Variants in TTC3 observed in about 807,000 individuals in gnomAD.
TTC3 encodes tetratricopeptide repeat domain 3.
A neutral mutation model predicts 249.6 loss-of-function variants in TTC3; 180 were observed. The observed-to-expected ratio is 0.72, with a 90% CI of 0.64 to 0.82. TTC3 has a LOEUF of 0.82. Among genes scored for constraint, TTC3 ranks in the 40% least tolerant of loss-of-function variants. TTC3 has a pLI of 0.00. For missense variants in TTC3, 2,061 were observed against 2,398.4 expected, an observed-to-expected ratio of 0.86 and a Z score of 2.94; for synonymous variants, 717 against 805.0, an observed-to-expected ratio of 0.89 and a Z score of 1.85.
intron 24 of TTC3, 28 bp from the exon 25 acceptor site, chr21:37,150,792 A>G (rs1420843195): frequency 6.4e-7 from 1 of 1,565,840 alleles, no homozygotes; most frequent in Non-Finnish European, 8.8e-7. Context: ...TATGAGACAA[A>G]TTTTGGATGT....
Position 37,145,114 on chromosome 21 carries a change from G to GA in TTC3, c.1893+474dup, listed in dbSNP as rs146413103. On this transcript the variant is annotated intron_variant, in intron 21 of 45. Transcript: ENST00000355666. ...TACTGAGATGGTACTTGAAGATTTA[G>GA]AAAAATATGAATTTAGTCTCATATC... 1.0e-3 allele frequency among the ~76,000 whole-genome samples: 153 copies of GA among 152,290 alleles called. 1 individual carries two copies. Among genetic ancestry groups the GA allele is most frequent in the African/African-American group, 3.6e-3 (149 of 41,564 alleles).
intron 40 of TTC3, 107 bp downstream of exon 40, chr21:37,191,531 A>G (rs2084099222): frequency 7.8e-6 from 5 of 644,282 alleles, no homozygotes; most frequent in South Asian, 3.6e-5. Context: ...ATTATTATCA[A>G]TAATTTTTTT....
At chr21:37,090,345 T>G (rs1380982655) in intron 6 of TTC3, 59 bp downstream of exon 6, 1 of 1,431,480 alleles carries the variant, frequency 7.0e-7, no homozygotes, top group African/African-American at 1.4e-5. Context: ...GTCATCTCAC[T>G]GCTCATTTCC....
intron 1 of TTC3, among the ~76,000 whole-genome samples, chr21:37,074,295 T>C (rs2039175706): frequency 6.6e-6 from 1 of 152,200 alleles, no homozygotes; most frequent in Admixed American, 6.5e-5. Context: ...GCTGCCAGTG[T>C]GGCCTCTTCA....
intron 21 of TTC3, among the ~76,000 whole-genome samples, chr21:37,147,244 T>C (rs1175121741): frequency 6.6e-6 from 1 of 152,192 alleles, no homozygotes; most frequent in Non-Finnish European, 1.5e-5. Flanking sequence ...TTTGATTCTT[T>C]CGAAATTCTG....
chr21:37,122,913 G>GA (rs11440325), intron 12 of TTC3, 70 bp from the exon 13 acceptor site: 1,538,381 of 1,538,386 alleles, frequency 1, 769,188 homozygotes, highest in Middle Eastern at 1. Context: ...AAGTAAATTT[G>GA]AAATCTTTTA....
chr21:37,082,502 A>G (rs770738486), intron 1 of TTC3: 8 of 985,242 alleles, frequency 8.1e-6, no homozygotes, highest in Non-Finnish European at 9.6e-6. Context: ...GGGAGCCAGA[A>G]AGTTTAGCTG....
intron 11 of TTC3, among the ~76,000 whole-genome samples, chr21:37,115,726 C>T (rs973949779): frequency 1.3e-5 from 2 of 152,160 alleles, no homozygotes; most frequent in Non-Finnish European, 2.9e-5. Context: ...CTGCTCTGTC[C>T]CTGGTTCACT....
intron 35 of TTC3, among the ~76,000 whole-genome samples, chr21:37,175,551 C>T (rs1216959702): frequency 1.4e-5 from 2 of 141,812 alleles, no homozygotes; most frequent in African/African-American, 2.6e-5. Flanking sequence ...GAGCCAAGAT[C>T]GCACCATTGC....
chr21:37,119,178 G>C (rs2076391960), intron 11 of TTC3, among the ~76,000 whole-genome samples: 1 of 152,104 alleles, frequency 6.6e-6, no homozygotes, highest in Admixed American at 6.6e-5. Flanking sequence ...ATGCAGTAAA[G>C]TTACTTAGAA....
At chr21:37,085,195 C>G (rs1040337332) in intron 1 of TTC3, among the ~76,000 whole-genome samples, 1 of 152,068 alleles carries the variant, frequency 6.6e-6, no homozygotes. Flanking sequence ...TTGGCTCTTT[C>G]TGTATTTTAT....
rs549399115 is a variant in TTC3, at chr21:37,083,456, T to C, written c.-11-3791T>C. The stretch of plus-strand genomic sequence containing the variant: ...CCAGTTAGGAGACTGCTTGTTAAAT[T>C]AGTTCAGAGGAGAAACAGTGAAGGC... On this transcript the variant is annotated intron_variant, in intron 1 of 45. Transcript: ENST00000355666. 24 of 955,618 alleles carry C rather than the reference T, an allele frequency of 2.5e-5. No individual in the cohort carries two copies. In the African/African-American group the frequency reaches 3.7e-4, roughly 15 times the overall value. The allele number at this position is 955,618 out of a possible 1,614,324, so 59.2% of individuals were successfully genotyped here.
chr21:37,076,568 G>C (rs752619715), intron 1 of TTC3, among the ~76,000 whole-genome samples: 5 of 152,146 alleles, frequency 3.3e-5, no homozygotes, highest in Non-Finnish European at 7.3e-5. Flanking sequence ...CCTCCTGCTA[G>C]TGCTACTTTC....
At chr21:37,083,438 G>A in intron 1 of TTC3, 1 of 979,838 alleles carries the variant, frequency 1.0e-6, no homozygotes, top group Non-Finnish European at 1.2e-6. Context: ...TGACCAGTTA[G>A]GAGACTGCTT....
Position 37,192,092 on chromosome 21 carries a change from A to T in TTC3, c.5116-20A>T. 1 of 1,505,184 alleles carries T rather than the reference A, an allele frequency of 6.6e-7. No individual in the cohort carries two copies. The allele number at this position is 1,505,184 out of a possible 1,614,324, so 93.2% of individuals were successfully genotyped here. A position where few individuals can be genotyped will look rare whatever the true frequency, so the allele number is the denominator to read the frequency against. ...TAATTGACAATTGTGGTTTTCCCACACTTTACTTTCTACTCACAGTCTCAG... is the reference window on the plus strand; with the variant it reads ...TAATTGACAATTGTGGTTTTCCCACTCTTTACTTTCTACTCACAGTCTCAG... On this transcript the variant is annotated intron_variant, in intron 40 of 45. Coordinates refer to ENST00000355666, the Ensembl canonical transcript of TTC3.
intron 23 of TTC3, 61 bp downstream of exon 23, chr21:37,148,708 C>T (rs974136414): frequency 9.1e-7 from 1 of 1,097,038 alleles, no homozygotes; most frequent in Non-Finnish European, 1.3e-6. Context: ...AATTTTTCCC[C>T]CAAGAATTCC....
rs747680039 is a variant in TTC3, at chr21:37,090,216, C to CT, written c.427-10dup. 9.5e-6 allele frequency: 15 copies of CT among 1,572,240 alleles called. No homozygotes were observed. Among genetic ancestry groups the CT allele is most frequent in the Non-Finnish European group, 1.2e-5 (14 of 1,155,110 alleles). On this transcript the variant is annotated splice_polypyrimidine_tract_variant and intron_variant, in intron 5 of 45. Coordinates refer to ENST00000355666, the Ensembl canonical transcript of TTC3. ...TGACTGAATAAGGAAAAAATATGTC[C>CT]TTTTTTTATTTTTCAGAATGATTCA...
intron 1 of TTC3, among the ~76,000 whole-genome samples, chr21:37,085,093 C>T (rs2835576): frequency 0.46 from 69,272 of 152,048 alleles, 16,312 homozygotes; most frequent in Non-Finnish European, 0.52. Context: ...CAGTGAGATT[C>T]GCTAGGCTTG....
intron 26 of TTC3, among the ~76,000 whole-genome samples, chr21:37,152,620 C>G (rs1288047973): frequency 6.6e-6 from 1 of 151,974 alleles, no homozygotes; most frequent in Non-Finnish European, 1.5e-5. Flanking sequence ...TCTCCTGATC[C>G]ACCCTCCTCG....
Sources: allele counts gnomAD v4.1 joint callset (sites outside exome capture counted in the v4.1 genomes callset), GRCh38; gene constraint gnomAD v4.1.1; transcripts MANE v1.5; gene names NCBI Gene and HGNC (gene_info 2026-07-23, HGNC 2026-07-21).